OGDH: variants seen among roughly 807,000 people sequenced by gnomAD.
The protein encoded by OGDH is oxoglutarate dehydrogenase, also known as 2-oxoglutarate dehydrogenase complex component E1.
A neutral mutation model predicts 116.6 loss-of-function variants in OGDH; 38 were observed. The ratio of observed to expected loss-of-function variants is 0.33; its 90% CI spans 0.25 to 0.43. The LOEUF (loss-of-function observed/expected upper bound fraction) is 0.43. OGDH is among the 20% of genes least tolerant of loss of function. The probability of loss-of-function intolerance (pLI) is 1.00; values close to 1 mark genes in which losing one functional copy is unlikely to be tolerated. For synonymous variants in OGDH, 488 were observed against 533.3 expected (o/e 0.92, Z 1.17); for missense variants, 825 against 1,357.2 (o/e 0.61, Z 6.16).
chr7:44,625,705 T>G (rs546819803), intron 2 of OGDH, among the ~76,000 whole-genome samples: 2 of 152,232 alleles, frequency 1.3e-5, no homozygotes, highest in Non-Finnish European at 2.9e-5. Flanking sequence ...GAATTTGGCT[T>G]TTTTCCTACT....
intron 1 of OGDH, among the ~76,000 whole-genome samples, chr7:44,607,424 C>T (rs866986458): frequency 2.0e-5 from 3 of 152,188 alleles, no homozygotes; most frequent in Admixed American, 1.3e-4. Flanking sequence ...CATCCCCATC[C>T]CTTTGCCCAG....
intron 2 of OGDH, among the ~76,000 whole-genome samples, chr7:44,626,289 TCACACACACACACCCCTACA>T (rs1785198308): frequency 7.3e-6 from 1 of 136,928 alleles, no homozygotes; most frequent in Non-Finnish European, 1.6e-5. Context: ...GTGGCAGATT[TCACACACACACACCCCTACA>T]CACACACACA....
At chr7:44,662,469 T>A (rs978318883) in intron 4 of OGDH, among the ~76,000 whole-genome samples, 1 of 149,916 alleles carries the variant, frequency 6.7e-6, no homozygotes, top group Non-Finnish European at 1.5e-5. Context: ...CTTTTCTTTT[T>A]TTTTTTTTTT....
chr7:44,653,460 C>T (rs541458118), intron 4 of OGDH, among the ~76,000 whole-genome samples: 56 of 152,078 alleles, frequency 3.7e-4, no homozygotes, highest in Non-Finnish European at 4.3e-4. Flanking sequence ...TCTGTGGTTT[C>T]GGTATAAATT....
chr7:44,674,016 G>T (rs910720709), intron 6 of OGDH, 75 bp downstream of exon 6: 6 of 1,574,422 alleles, frequency 3.8e-6, no homozygotes, highest in African/African-American at 1.3e-5. Context: ...GATCGGGCCT[G>T]TGTGCAGCCT....
rs1377385695 is a variant in OGDH at position 44,708,308 on chromosome 7, C to G, written c.*309C>G. On this transcript the variant is annotated 3_prime_UTR_variant, in exon 23 of 23. Transcript: ENST00000222673. ...AGGGGTCAGCTCTGGCCACAATCCT[C>G]CCCACCAGTCTCACCCACTAGGATA... The G allele has an allele frequency of 6.6e-6, 2 of 301,726 alleles. No homozygotes were observed. Among genetic ancestry groups the G allele is most frequent in the African/African-American group, 2.2e-5 (1 of 46,002 alleles). The allele number at this position is 301,726 out of a possible 1,614,324, so 18.7% of individuals were successfully genotyped here. A position where few individuals can be genotyped will look rare whatever the true frequency, so the allele number is the denominator to read the frequency against.
chr7:44,660,053 A>G (rs1355602925), intron 4 of OGDH, among the ~76,000 whole-genome samples: 1 of 152,056 alleles, frequency 6.6e-6, no homozygotes, highest in African/African-American at 2.4e-5. Context: ...TTTCTGATGT[A>G]TTTACTACTA....
At position 44,624,686 on chromosome 7, in the gene OGDH, T is replaced by C. The variant is rs978743446; in HGVS notation, c.222+121T>C. On this transcript the variant is annotated intron_variant, in intron 2 of 22. Coordinates refer to ENST00000222673, the MANE Select transcript of OGDH (RefSeq NM_002541.4). ...GGGCAGACAGGCAGCTGGAGCGCCATACCAACCACCGTATCTGTATCGGAC... is the reference window on the plus strand; with the variant it reads ...GGGCAGACAGGCAGCTGGAGCGCCACACCAACCACCGTATCTGTATCGGAC... 4.4e-5 allele frequency: 36 copies of C among 814,154 alleles called. 2 individuals carry two copies. Among genetic ancestry groups the C allele is most frequent in the South Asian group, 1.5e-4 (10 of 68,028 alleles). The allele number at this position is 814,154 out of a possible 1,614,324, so 50.4% of individuals were successfully genotyped here.
chr7:44,708,546 T>G lies in OGDH; in HGVS notation c.*547T>G, dbSNP rs944916709. 3 of 153,124 alleles carry G rather than the reference T, an allele frequency of 2.0e-5. No homozygotes were observed. The highest frequency in any genetic ancestry group is 6.5e-5 in the Admixed American group (1 of 15,306). 9.5% of individuals were successfully genotyped at this position (153,124 alleles called of 1,614,324 possible). ...CCGGGGCAGCTGGCAGGAGAGAGCCTTGGCCTGACCTGGCACAGAAAGGGC... is the reference window on the plus strand; with the variant it reads ...CCGGGGCAGCTGGCAGGAGAGAGCCGTGGCCTGACCTGGCACAGAAAGGGC... On this transcript the variant is annotated 3_prime_UTR_variant, in exon 23 of 23. Transcript: ENST00000222673.
intron 5 of OGDH, among the ~76,000 whole-genome samples, chr7:44,671,661 G>T (rs534766047): frequency 7.9e-5 from 12 of 151,700 alleles, no homozygotes; most frequent in African/African-American, 2.7e-4. Flanking sequence ...CCAGCTACTC[G>T]GGAGGCTGAG....
intron 3 of OGDH, chr7:44,647,440 C>T (rs557866539): frequency 6.5e-7 from 1 of 1,536,138 alleles, no homozygotes; most frequent in East Asian, 2.4e-5. Context: ...GTTATTGCTT[C>T]CAGGTCAGGG....
chr7:44,644,710 T>C (rs1241708898), intron 2 of OGDH, among the ~76,000 whole-genome samples: 1 of 152,206 alleles, frequency 6.6e-6, no homozygotes, highest in Non-Finnish European at 1.5e-5. Flanking sequence ...GCAATGATAT[T>C]ATTTCTCTGT....
At chr7:44,616,981 C>A (rs191170922) in intron 1 of OGDH, among the ~76,000 whole-genome samples, 1,119 of 135,392 alleles carry the variant, frequency 8.3e-3, no homozygotes, top group African/African-American at 0.027. Flanking sequence ...GTCGTCCAGG[C>A]TGGAGTGCAG....
intron 1 of OGDH, among the ~76,000 whole-genome samples, chr7:44,607,062 G>A (rs1415736603): frequency 6.6e-6 from 1 of 152,198 alleles, no homozygotes; most frequent in African/African-American, 2.4e-5. Flanking sequence ...GCTCTCCGAC[G>A]GCGTCCTTCC....
At chr7:44,653,213 C>T (rs1255027480) in intron 4 of OGDH, among the ~76,000 whole-genome samples, 2 of 152,058 alleles carry the variant, frequency 1.3e-5, no homozygotes, top group Non-Finnish European at 2.9e-5. Context: ...GTGCCTCAGC[C>T]TCTCAAGTAG....
Position 44,662,682 on chromosome 7 carries a change from C to T in OGDH, c.518-4054C>T, listed in dbSNP as rs1314314625. On this transcript the variant is annotated intron_variant, in intron 4 of 22. Transcript: ENST00000222673. Reference sequence around the variant, plus strand: ...TTCACCATGTTGGTCAGGCCGGTCTCGAACTCCTGACCTCATGATCTGCCC... The same window carrying T: ...TTCACCATGTTGGTCAGGCCGGTCTTGAACTCCTGACCTCATGATCTGCCC... 2.6e-5 allele frequency among the ~76,000 whole-genome samples: 4 copies of T among 152,052 alleles called. No homozygotes were observed. In the South Asian group the frequency reaches 6.2e-4, roughly 24 times the overall value.
chr7:44,680,231 AAAAG>A (rs1385666103), intron 9 of OGDH, among the ~76,000 whole-genome samples: 2 of 152,132 alleles, frequency 1.3e-5, no homozygotes, highest in Non-Finnish European at 2.9e-5. Flanking sequence ...GAAAAAGAAG[AAAAG>A]AAAGAAAGAA....
intron 9 of OGDH, among the ~76,000 whole-genome samples, chr7:44,680,006 T>C (rs1787861239): frequency 6.6e-6 from 1 of 151,900 alleles, no homozygotes; most frequent in Admixed American, 6.6e-5. Context: ...AACCCAGGAG[T>C]TTGAGACCAG....
At position 44,707,244 on chromosome 7, in the gene OGDH, G is replaced by A. The variant is rs369833092; in HGVS notation, c.2652G>A (p.Val884=). The A allele has an allele frequency of 6.2e-7, 1 of 1,614,232 alleles. No individual in the cohort carries two copies. The highest frequency in any genetic ancestry group is 8.5e-7 in the Non-Finnish European group (1 of 1,180,028). ...EMLPGTHFQR[V]IPEDGPAAQN... is the part of the protein sequence containing the mutation. ...TTGTAGGAACCCACTTCCAGCGGGTGATCCCAGAAGATGGCCCTGCAGCTC... is the reference window on the plus strand; with the variant it reads ...TTGTAGGAACCCACTTCCAGCGGGTAATCCCAGAAGATGGCCCTGCAGCTC... Residue 884 remains valine (V), a synonymous_variant, in exon 21 of 23, where the codon GTG becomes GTA. Coordinates refer to ENST00000222673, the MANE Select transcript of OGDH (RefSeq NM_002541.4). This position sits in a 1 kb window ranked among gnomAD's most constrained non-coding sequence, Gnocchi z 5.2.
Sources: gnomAD v4.1 joint callset for allele counts (sites outside exome capture counted in the v4.1 genomes callset) on GRCh38, gnomAD v4.1.1 for gene constraint, Gnocchi (gnomAD v3.1) non-coding constraint, MANE v1.5 for transcripts, NCBI Gene and HGNC (gene_info 2026-07-23, HGNC 2026-07-21) for gene names.